OPCML: variants seen among roughly 807,000 people sequenced by gnomAD.
OPCML encodes the protein opioid binding protein/cell adhesion molecule like.
OPCML carries 13 observed loss-of-function variants against 37.8 expected under a neutral mutation model. That is an observed-to-expected ratio of 0.34 (90% CI 0.22 to 0.55). The LOEUF (loss-of-function observed/expected upper bound fraction) is 0.55, where lower values mean the gene tolerates loss of function less well. Ranked by LOEUF, OPCML falls within the 20% of genes least tolerant of loss-of-function variation. The probability of loss-of-function intolerance (pLI) is 0.91; values close to 1 mark genes in which losing one functional copy is unlikely to be tolerated. For missense variants in OPCML, 341 were observed against 435.6 expected, an observed-to-expected ratio of 0.78 and a Z score of 1.93; for synonymous variants, 176 against 168.8, an observed-to-expected ratio of 1.04 and a Z score of -0.33.
intron 3 of OPCML, among the ~76,000 whole-genome samples, chr11:132,625,131 G>A (rs1426156232): frequency 1.3e-5 from 2 of 152,074 alleles, no homozygotes; most frequent in African/African-American, 2.4e-5. Flanking sequence ...TGTTATACAA[G>A]GTCCTGTCAC....
chr11:133,111,116 G>A (rs1227586312), intron 1 of OPCML, among the ~76,000 whole-genome samples: 1 of 152,154 alleles, frequency 6.6e-6, no homozygotes, highest in Non-Finnish European at 1.5e-5. Context: ...CTCTAAGCCA[G>A]TTTGTTTTCC....
chr11:133,241,031 T>C (rs1263516012), intron 1 of OPCML, among the ~76,000 whole-genome samples: 1 of 152,228 alleles, frequency 6.6e-6, no homozygotes, highest in Non-Finnish European at 1.5e-5. Flanking sequence ...GTTGAGGAAC[T>C]AGGCAGAGAA....
At chr11:133,216,293 C>T (rs1939585055) in intron 1 of OPCML, among the ~76,000 whole-genome samples, 1 of 152,196 alleles carries the variant, frequency 6.6e-6, no homozygotes, top group African/African-American at 2.4e-5. Context: ...ACAGAAAATT[C>T]CTCCTCTGAA....
chr11:132,787,278 T>C (rs1565863305), intron 2 of OPCML, among the ~76,000 whole-genome samples: 1 of 152,228 alleles, frequency 6.6e-6, no homozygotes, highest in Non-Finnish European at 1.5e-5. Context: ...CTTTACTTAA[T>C]GCATGACTGT....
chr11:133,026,530 A>G (rs549993586), intron 1 of OPCML: 3 of 985,324 alleles, frequency 3.0e-6, no homozygotes, highest in Admixed American at 6.1e-5. Context: ...TTGTTTTCCC[A>G]TCTAGAAATC....
chr11:132,953,780 G>GGA (rs1003196360), intron 1 of OPCML, among the ~76,000 whole-genome samples: 2 of 152,262 alleles, frequency 1.3e-5, no homozygotes, highest in African/African-American at 4.8e-5. Flanking sequence ...CTGAGAGCTG[G>GGA]GGGTCCCCAG....
intron 3 of OPCML, among the ~76,000 whole-genome samples, chr11:132,646,703 T>C (rs888705939): frequency 2.6e-5 from 4 of 152,182 alleles, no homozygotes. Context: ...CAAGGTTTTA[T>C]ACACAATGGT....
At position 132,603,467 on chromosome 11, in the gene OPCML, A is replaced by T. The variant is rs1315200856; in HGVS notation, c.379+53620T>A. On this transcript the variant is annotated intron_variant, in intron 3 of 7. Coordinates refer to ENST00000524381, the MANE Select transcript of OPCML (RefSeq NM_001012393.5). Reference sequence around the variant, plus strand: ...TTCTTAAATCCATACATTATTCTGTATCTCTACCATCACTCCTCTGGTTCA... The same window carrying T: ...TTCTTAAATCCATACATTATTCTGTTTCTCTACCATCACTCCTCTGGTTCA... Among the ~76,000 whole-genome samples, 6 of 152,174 alleles carry T rather than the reference A, an allele frequency of 3.9e-5. 1 individual carries two copies. The highest frequency in any genetic ancestry group is 1.4e-4 in the African/African-American group (6 of 41,428).
chr11:132,481,312 G>C (rs2096179611), intron 4 of OPCML, among the ~76,000 whole-genome samples: 1 of 151,960 alleles, frequency 6.6e-6, no homozygotes, highest in Non-Finnish European at 1.5e-5. Context: ...AAGATCAAAA[G>C]AGACAAAGAA....
intron 1 of OPCML, among the ~76,000 whole-genome samples, chr11:133,403,756 A>G (rs1031853948): frequency 1.6e-4 from 25 of 152,232 alleles, no homozygotes; most frequent in African/African-American, 5.1e-4. Context: ...TTAATTTCAA[A>G]TAGGTGGTAC....
At chr11:132,726,520 T>A (rs1032043761) in intron 2 of OPCML, among the ~76,000 whole-genome samples, 1 of 150,770 alleles carries the variant, frequency 6.6e-6, no homozygotes, top group Non-Finnish European at 1.5e-5. Context: ...TTTTTTTTTT[T>A]AAAGAAAACC....
intron 1 of OPCML, among the ~76,000 whole-genome samples, chr11:133,281,181 AT>A (rs896447920): frequency 6.6e-6 from 1 of 152,150 alleles, no homozygotes; most frequent in African/African-American, 2.4e-5. Flanking sequence ...TCCATCTGAT[AT>A]GGTGATATGG....
chr11:132,519,605 T>TGGCGAAAA lies in OPCML; in HGVS notation c.505+9448_505+9455dup, dbSNP rs1197145229. ...GGGGGAAAACATATGGGTACCCATA[T>TGGCGAAAA]GGCGAAAAGCACATTGCTAGACCTT... On this transcript the variant is annotated intron_variant, in intron 4 of 7. Transcript: ENST00000524381. 6.3e-4 allele frequency among the ~76,000 whole-genome samples: 96 copies of TGGCGAAAA among 152,260 alleles called. 1 individual carries two copies. Among genetic ancestry groups the TGGCGAAAA allele is most frequent in the African/African-American group, 2.3e-3 (94 of 41,548 alleles).
chr11:132,646,772 A>G (rs117790597), intron 3 of OPCML, among the ~76,000 whole-genome samples: 2,759 of 152,344 alleles, frequency 0.018, 40 homozygotes, highest in Non-Finnish European at 0.029. Flanking sequence ...AGAAAAGAAG[A>G]TAAGTTGAGA....
At chr11:133,343,808 C>T (rs1011227579) in intron 1 of OPCML, among the ~76,000 whole-genome samples, 1 of 152,178 alleles carries the variant, frequency 6.6e-6, no homozygotes, top group African/African-American at 2.4e-5. Context: ...TTCTCTTCTC[C>T]TGTACCACAT....
Position 132,436,660 on chromosome 11 carries a change from T to C in OPCML, c.763A>G (p.Arg255Gly). The C allele has an allele frequency of 6.2e-7, 1 of 1,614,204 alleles. No homozygotes were observed. Among genetic ancestry groups the C allele is most frequent in the Non-Finnish European group, 8.5e-7 (1 of 1,180,004 alleles). ...AEFQWFKEET[R>G]LATGLDGMRI... Reference sequence around the variant, plus strand: ...GTCCAGGTGTCATTTAAAAGGTACCTGGTTTCTTCCTTGAACCACTGGAAT... The same window carrying C: ...GTCCAGGTGTCATTTAAAAGGTACCCGGTTTCTTCCTTGAACCACTGGAAT... Residue 255 changes from arginine (R) to glycine (G), a missense_variant and splice_region_variant, in exon 6 of 8, where the codon AGG (arginine) becomes GGG (glycine). Coordinates refer to ENST00000524381, the MANE Select transcript of OPCML (RefSeq NM_001012393.5).
At chr11:133,222,822 C>A (rs557275459) in intron 1 of OPCML, among the ~76,000 whole-genome samples, 2 of 152,096 alleles carry the variant, frequency 1.3e-5, no homozygotes, top group Admixed American at 1.3e-4. Flanking sequence ...GGGGGCCGAG[C>A]CGGGGACTAA....
intron 2 of OPCML, among the ~76,000 whole-genome samples, chr11:132,887,814 ATCT>A (rs1419619775): frequency 1.3e-5 from 2 of 152,214 alleles, no homozygotes; most frequent in Non-Finnish European, 2.9e-5. Context: ...CCTCTGCCAG[ATCT>A]TCTACTACGC....
chr11:132,643,948 G>A (rs540633824), intron 3 of OPCML, among the ~76,000 whole-genome samples: 2 of 152,282 alleles, frequency 1.3e-5, no homozygotes, highest in East Asian at 3.9e-4. Context: ...CAAGCAACCT[G>A]TACCTTGGAA....
Sources: allele counts gnomAD v4.1 joint callset (sites outside exome capture counted in the v4.1 genomes callset), GRCh38; gene constraint gnomAD v4.1.1; transcripts MANE v1.5; gene names NCBI Gene and HGNC (gene_info 2026-07-23, HGNC 2026-07-21).